Variants in CC2D2A observed in about 807,000 individuals in gnomAD.
The protein encoded by CC2D2A is coiled-coil and C2 domain-containing protein 2A.
CC2D2A carries 155 observed loss-of-function variants against 212.9 expected under a neutral mutation model. That is an observed-to-expected ratio of 0.73 (90% CI 0.64 to 0.83). The LOEUF (loss-of-function observed/expected upper bound fraction) is 0.83. Among genes scored for constraint, CC2D2A ranks in the 40% least tolerant of loss-of-function variants. The pLI is 0.00. For synonymous variants in CC2D2A, 667 were observed against 686.5 expected (o/e 0.97, Z 0.44); for missense variants, 1,856 against 1,956.2 (o/e 0.95, Z 0.97).
intron 33 of CC2D2A, chr4:15,595,802 A>G (rs1008780590): frequency 4.8e-6 from 1 of 209,298 alleles, no homozygotes; most frequent in South Asian, 1.6e-4. Flanking sequence ...CTTGGTTTTT[A>G]TAACAAAAAA....
At position 15,560,642 on chromosome 4, in the gene CC2D2A, T is replaced by C. The variant is rs1719539034; in HGVS notation, c.3014+20T>C. The C allele has an allele frequency of 1.0e-6, 1 of 991,672 alleles. No individual in the cohort carries two copies. The highest frequency in any genetic ancestry group is 1.5e-6 in the Non-Finnish European group (1 of 660,718). 61.4% of individuals were successfully genotyped at this position (991,672 alleles called of 1,614,324 possible). ...TATCAGGTAAAAATAATCAAAGCCA[T>C]TATTATCAATTCTTATAAAAATTAT... On this transcript the variant is annotated intron_variant, in intron 23 of 36. Coordinates refer to ENST00000424120, the MANE Select transcript of CC2D2A (RefSeq NM_001378615.1).
chr4:15,515,941 A>G lies in CC2D2A; in HGVS notation c.954A>G (p.Val318=). 1 of 1,571,398 alleles carries G rather than the reference A, an allele frequency of 6.4e-7. No homozygotes were observed. Among genetic ancestry groups the G allele is most frequent in the Non-Finnish European group, 8.6e-7 (1 of 1,157,928 alleles). The change falls in exon 10 of 37, where the codon GTA becomes GTG. Residue 318 remains valine (V), a synonymous_variant. Coordinates refer to ENST00000424120, the MANE Select transcript of CC2D2A (RefSeq NM_001378615.1). ...AAGATGAAGGCCTTTACACCGGGGTAAGACCAGAGGTGGCACGCACCAATC... is the reference window on the plus strand; with the variant it reads ...AAGATGAAGGCCTTTACACCGGGGTGAGACCAGAGGTGGCACGCACCAATC... The part of the protein sequence containing the change: ...FLEDEGLYTG[V]RPEVARTNQN...
chr4:15,588,744 C>G (rs13114491), intron 32 of CC2D2A, among the ~76,000 whole-genome samples: 18,303 of 152,120 alleles, frequency 0.12, 1,239 homozygotes, highest in Non-Finnish European at 0.15. Flanking sequence ...TCTGTGCCCA[C>G]TCCTCATTAG....
chr4:15,477,985 G>A (rs1714341544), intron 2 of CC2D2A, among the ~76,000 whole-genome samples: 1 of 152,100 alleles, frequency 6.6e-6, no homozygotes, highest in Non-Finnish European at 1.5e-5. Context: ...AGTAAGTTTT[G>A]TGTACCCCAG....
intron 4 of CC2D2A, among the ~76,000 whole-genome samples, chr4:15,499,401 T>C (rs984815337): frequency 1.3e-5 from 2 of 152,152 alleles, no homozygotes; most frequent in Non-Finnish European, 2.9e-5. Flanking sequence ...CTCAACTTTT[T>C]TGTGGGTCCT....
At chr4:15,575,912 C>T (rs115895480) in intron 29 of CC2D2A, among the ~76,000 whole-genome samples, 2 of 152,166 alleles carry the variant, frequency 1.3e-5, no homozygotes, top group Non-Finnish European at 2.9e-5. Context: ...TTCTAAAACA[C>T]GTGAAAGCAG....
rs116497713 is a variant in CC2D2A at position 15,527,366 on chromosome 4, G to A, written c.1150-81G>A. Reference sequence around the variant, plus strand: ...GATAGGAGGTATTTTGCATCTGACCGTTTTCCCATTGTGGATTAGAGAATC... The same window carrying A: ...GATAGGAGGTATTTTGCATCTGACCATTTTCCCATTGTGGATTAGAGAATC... On this transcript the variant is annotated intron_variant, in intron 11 of 36. Transcript: ENST00000424120. The A allele has an allele frequency of 1.4e-3, 1,497 of 1,046,000 alleles. 11 individuals carry two copies. The African/African-American group carries it at 0.016, about 11-fold the overall frequency. The allele number at this position is 1,046,000 out of a possible 1,614,324, so 64.8% of individuals were successfully genotyped here. A position where few individuals can be genotyped will look rare whatever the true frequency, so the allele number is the denominator to read the frequency against.
At chr4:15,509,608 A>G (rs1716446070) in intron 6 of CC2D2A, among the ~76,000 whole-genome samples, 1 of 152,164 alleles carries the variant, frequency 6.6e-6, no homozygotes, top group Non-Finnish European at 1.5e-5. Context: ...TGAGTATACA[A>G]TTTTACATTT....
In CC2D2A at chr4:15,536,956, T is replaced by C; in HGVS notation, c.1644T>C (p.Tyr548=). 1 of 1,613,824 alleles carries C rather than the reference T, an allele frequency of 6.2e-7. No individual in the cohort carries two copies. The highest frequency in any genetic ancestry group is 8.5e-7 in the Non-Finnish European group (1 of 1,179,798). The part of the protein sequence containing the change: ...KADQKADEEA[Y]EAEIQAEISE... ...ACCAGAAAGCAGATGAAGAAGCATA[T>C]GAAGCAGAAATTCAAGCTGAAATAA... The change falls in exon 15 of 37, where the codon TAT becomes TAC. Residue 548 remains tyrosine, a synonymous_variant. Coordinates refer to ENST00000424120, the MANE Select transcript of CC2D2A (RefSeq NM_001378615.1).
intron 8 of CC2D2A, 122 bp downstream of exon 8, chr4:15,511,545 C>T (rs1577336969): frequency 6.8e-6 from 6 of 883,564 alleles, no homozygotes; most frequent in East Asian, 3.2e-5. Flanking sequence ...TGACACTCCA[C>T]GTCTGAGTTG....
chr4:15,531,979 T>C (rs1452991632), intron 13 of CC2D2A, among the ~76,000 whole-genome samples: 2 of 152,184 alleles, frequency 1.3e-5, no homozygotes, highest in East Asian at 3.9e-4. Flanking sequence ...AAGCACATTA[T>C]GCGGATTAGC....
intron 9 of CC2D2A, among the ~76,000 whole-genome samples, chr4:15,515,613 C>G (rs1489660621): frequency 1.3e-5 from 2 of 152,154 alleles, no homozygotes; most frequent in African/African-American, 4.8e-5. Context: ...TGAATACTAC[C>G]TTCTTCTCAG....
At chr4:15,561,591 T>C (rs1448738001) in intron 23 of CC2D2A, 2 of 152,198 alleles carry the variant, frequency 1.3e-5, no homozygotes, top group African/African-American at 2.4e-5. Flanking sequence ...CATTAAGTTC[T>C]GAAGGCTCAG....
chr4:15,506,541 G>T (rs1325115772), intron 6 of CC2D2A, among the ~76,000 whole-genome samples: 2 of 152,108 alleles, frequency 1.3e-5, no homozygotes, highest in African/African-American at 4.8e-5. Context: ...CCCAAGGCTT[G>T]CCTATACACA....
At chr4:15,499,315 T>C (rs1452080574) in intron 4 of CC2D2A, among the ~76,000 whole-genome samples, 1 of 152,184 alleles carries the variant, frequency 6.6e-6, no homozygotes, top group South Asian at 2.1e-4. Context: ...AATGTGCCAC[T>C]CTGGTGGTGG....
chr4:15,523,882 A>G (rs1043403706), intron 11 of CC2D2A, among the ~76,000 whole-genome samples: 5 of 152,220 alleles, frequency 3.3e-5, no homozygotes, highest in African/African-American at 4.8e-5. Context: ...CCCACAGTTC[A>G]CATTATCAAT....
chr4:15,533,368 T>C, intron 14 of CC2D2A, 35 bp downstream of exon 14: 1 of 1,404,494 alleles, frequency 7.1e-7, no homozygotes, highest in Non-Finnish European at 9.6e-7. Flanking sequence ...TATTGGGCTA[T>C]ATCATACATT....
In CC2D2A at chr4:15,502,938, C is replaced by CT; in HGVS notation, c.438+16dup. On this transcript the variant is annotated intron_variant, in intron 6 of 36. Coordinates refer to ENST00000424120, the MANE Select transcript of CC2D2A (RefSeq NM_001378615.1). Reference sequence around the variant, plus strand: ...TTGGCACAGAGGTGAGAAATACCCTCTCTACTTTGTGATCAAAACCAGTAA... The same window carrying CT: ...TTGGCACAGAGGTGAGAAATACCCTCTTCTACTTTGTGATCAAAACCAGTAA... 1 of 1,572,078 alleles carries CT rather than the reference C, an allele frequency of 6.4e-7. No individual in the cohort carries two copies. The highest frequency in any genetic ancestry group is 8.6e-7 in the Non-Finnish European group (1 of 1,156,610).
Position 15,587,798 on chromosome 4 carries a change from T to A in CC2D2A, c.4066-18T>A. Reference sequence around the variant, plus strand: ...AAGCATTGAGTCATACAACATAATTTTTTTTTCTTTTTGTCAGCAATTTCT... The same window carrying A: ...AAGCATTGAGTCATACAACATAATTATTTTTTCTTTTTGTCAGCAATTTCT... On this transcript the variant is annotated intron_variant, in intron 31 of 36. Coordinates refer to ENST00000424120, the MANE Select transcript of CC2D2A (RefSeq NM_001378615.1). The A allele has an allele frequency of 1.5e-6, 2 of 1,371,790 alleles. No homozygotes were observed. The highest frequency in any genetic ancestry group is 1.2e-5 in the South Asian group (1 of 85,056). 85.0% of individuals were successfully genotyped at this position (1,371,790 alleles called of 1,614,324 possible). A position where few individuals can be genotyped will look rare whatever the true frequency, so the allele number is the denominator to read the frequency against.
Sources: gnomAD v4.1 joint callset for allele counts (sites outside exome capture counted in the v4.1 genomes callset) on GRCh38, gnomAD v4.1.1 for gene constraint, MANE v1.5 for transcripts, NCBI Gene and HGNC (gene_info 2026-07-23, HGNC 2026-07-21) for gene names.